The following CNTNAP3B variants were observed in gnomAD, a reference collection of about 807,000 sequenced individuals.
CNTNAP3B encodes contactin-associated protein-like 3B.
A neutral mutation model predicts 108.9 loss-of-function variants in CNTNAP3B; 25 were observed. The observed-to-expected ratio is 0.23, with a 90% CI of 0.17 to 0.32. CNTNAP3B has a LOEUF of 0.32. Ranked by LOEUF, CNTNAP3B falls within the 10% of genes least tolerant of loss-of-function variation. The pLI, the probability that CNTNAP3B is intolerant of heterozygous loss-of-function variation, is 1.00. For synonymous variants in CNTNAP3B, 103 were observed against 473.4 expected (o/e 0.22, Z 10.16); for missense variants, 252 against 1,210.4 (o/e 0.21, Z 11.75).
intron 2 of CNTNAP3B, among the ~76,000 whole-genome samples, chr9:42,097,401 A>C (rs1827925302): frequency 7.2e-6 from 1 of 139,732 alleles, no homozygotes; most frequent in African/African-American, 2.8e-5. Context: ...GATGCTTTTT[A>C]TATTTGTATT....
chr9:41,935,583 GA>G (rs1564148945), intron 14 of CNTNAP3B, among the ~76,000 whole-genome samples: 1 of 152,256 alleles, frequency 6.6e-6, no homozygotes. Flanking sequence ...AATTTTATTT[GA>G]AAAATTAAAA....
At chr9:42,030,813 G>GAGAGAGAGAGAGA (rs1156882673) in intron 3 of CNTNAP3B, among the ~76,000 whole-genome samples, 19 of 65,772 alleles carry the variant, frequency 2.9e-4, no homozygotes, top group South Asian at 1.2e-3. Flanking sequence ...GAGAGAGAGA[G>GAGAGAGAGAGAGA]GAGAGAGAGA....
chr9:42,115,051 A>G lies in CNTNAP3B; in HGVS notation c.86-10312T>C, dbSNP rs1388491136. Among the ~76,000 whole-genome samples the G allele has an allele frequency of 7.4e-5, 10 of 135,592 alleles. 4 individuals are homozygous for G. The highest frequency in any genetic ancestry group is 2.1e-4 in the African/African-American group (7 of 33,642). The allele number at this position is 135,592 out of a possible 152,430, so 89.0% of individuals were successfully genotyped here. The stretch of plus-strand genomic sequence containing the variant: ...CCTAGGTGACAGAGCAAGACTCCAT[A>G]TCGGAAAAAAAAAAGAAATACTTAC... On this transcript the variant is annotated intron_variant, in intron 1 of 23. Coordinates refer to ENST00000377561, the MANE Select transcript of CNTNAP3B (RefSeq NM_001201380.3).
chr9:42,072,211 T>C (rs1827391848), intron 3 of CNTNAP3B, among the ~76,000 whole-genome samples: 2 of 120,414 alleles, frequency 1.7e-5, no homozygotes, highest in Non-Finnish European at 3.4e-5. Context: ...TAGAATGTTA[T>C]GGTATAATCT....
At chr9:41,926,359 A>G (rs2117981568) in intron 15 of CNTNAP3B, among the ~76,000 whole-genome samples, 1 of 152,414 alleles carries the variant, frequency 6.6e-6, no homozygotes, top group East Asian at 1.9e-4. Context: ...GTTATGTTAA[A>G]GAAAACAGAG....
At chr9:41,924,778 A>C (rs1372780474) in intron 15 of CNTNAP3B, among the ~76,000 whole-genome samples, 1 of 152,190 alleles carries the variant, frequency 6.6e-6, no homozygotes, top group African/African-American at 2.4e-5. Context: ...ACAGGACTGC[A>C]CATCACATGT....
At chr9:42,053,899 C>A (rs1479654675) in intron 3 of CNTNAP3B, among the ~76,000 whole-genome samples, 1 of 148,570 alleles carries the variant, frequency 6.7e-6, no homozygotes, top group Non-Finnish European at 1.5e-5. Context: ...GTTTACCCAG[C>A]ACACCCACCC....
In CNTNAP3B at chr9:42,118,527, C is replaced by T. The variant is rs1163850223; in HGVS notation, c.85+10483G>A. ...AATTAGGTATTGATGGCACCTATCT[C>T]AAAATAATAAGAGCTATCTATGACA... On this transcript the variant is annotated intron_variant, in intron 1 of 23. Coordinates refer to ENST00000377561, the MANE Select transcript of CNTNAP3B (RefSeq NM_001201380.3). 9.8e-5 allele frequency among the ~76,000 whole-genome samples: 13 copies of T among 132,324 alleles called. 1 individual carries two copies. The highest frequency in any genetic ancestry group is 2.1e-4 in the Non-Finnish European group (13 of 62,720). 86.8% of individuals were successfully genotyped at this position (132,324 alleles called of 152,430 possible).
chr9:41,939,411 C>T (rs1184162253), intron 13 of CNTNAP3B, among the ~76,000 whole-genome samples: 1 of 152,290 alleles, frequency 6.6e-6, no homozygotes, highest in Non-Finnish European at 1.5e-5. Flanking sequence ...TACCTTACTG[C>T]TTATTACAAC....
At position 42,001,306 on chromosome 9, in the gene CNTNAP3B, T is replaced by C. The variant is rs910686980; in HGVS notation, c.539-2702A>G. Among the ~76,000 whole-genome samples, 10 of 110,774 alleles carry C rather than the reference T, an allele frequency of 9.0e-5. 2 individuals are homozygous for C. The highest frequency in any genetic ancestry group is 1.9e-4 in the Admixed American group (2 of 10,784). 72.7% of individuals were successfully genotyped at this position (110,774 alleles called of 152,430 possible). On this transcript the variant is annotated intron_variant, in intron 4 of 23. Transcript: ENST00000377561. ...GCACTTGCTTATATTCCCAGCTACTTGGAAGGGGGAGGTGGGAGGATCGCT... is the reference window on the plus strand; with the variant it reads ...GCACTTGCTTATATTCCCAGCTACTCGGAAGGGGGAGGTGGGAGGATCGCT...
intron 13 of CNTNAP3B, among the ~76,000 whole-genome samples, chr9:41,950,903 C>T (rs1421406708): frequency 6.7e-6 from 1 of 149,830 alleles, no homozygotes; most frequent in Non-Finnish European, 1.5e-5. Flanking sequence ...CTACAGGCAC[C>T]CGCCACCACA....
At chr9:42,096,135 C>T (rs747301734) in intron 2 of CNTNAP3B, among the ~76,000 whole-genome samples, 1 of 140,032 alleles carries the variant, frequency 7.1e-6, no homozygotes, top group South Asian at 2.3e-4. Flanking sequence ...CTGAATGTGC[C>T]GCAGCACAAT....
At chr9:42,071,224 C>G in intron 3 of CNTNAP3B, among the ~76,000 whole-genome samples, 1 of 146,212 alleles carries the variant, frequency 6.8e-6, no homozygotes, top group African/African-American at 2.6e-5. Flanking sequence ...GCAGTGGGAG[C>G]TGTGTACGTG....
At chr9:41,935,737 G>T (rs1441441879) in intron 14 of CNTNAP3B, among the ~76,000 whole-genome samples, 2 of 152,260 alleles carry the variant, frequency 1.3e-5, no homozygotes, top group Admixed American at 1.3e-4. Flanking sequence ...ATAAAATAAG[G>T]TTAAAAAGCA....
At chr9:42,121,818 T>A (rs1339206299) in intron 1 of CNTNAP3B, among the ~76,000 whole-genome samples, 1 of 140,550 alleles carries the variant, frequency 7.1e-6, no homozygotes, top group African/African-American at 2.8e-5. Context: ...AAGTACACTG[T>A]GAAGAACCGT....
chr9:42,121,427 T>C (rs1266418311), intron 1 of CNTNAP3B, among the ~76,000 whole-genome samples: 2 of 138,460 alleles, frequency 1.4e-5, no homozygotes, highest in Admixed American at 1.4e-4. Context: ...TGGGCAGTAT[T>C]CTAAAATACT....
At chr9:41,935,315 C>T (rs1248886891) in intron 14 of CNTNAP3B, among the ~76,000 whole-genome samples, 2 of 152,180 alleles carry the variant, frequency 1.3e-5, no homozygotes, top group Non-Finnish European at 2.9e-5. Flanking sequence ...TTTATATTAA[C>T]AATACTGCCT....
At chr9:41,997,373 C>T (rs1825918814) in intron 6 of CNTNAP3B, among the ~76,000 whole-genome samples, 195 bp downstream of exon 6, 1 of 152,202 alleles carries the variant, frequency 6.6e-6, no homozygotes, top group Non-Finnish European at 1.5e-5. Context: ...CTGTTTACTT[C>T]TTTTCAAGGT....
rs1186625805 is a variant in CNTNAP3B, at chr9:42,029,508, A to G, written c.391-15983T>C. 7.2e-5 allele frequency among the ~76,000 whole-genome samples: 9 copies of G among 125,080 alleles called. 1 individual carries two copies. The highest frequency in any genetic ancestry group is 3.0e-4 in the African/African-American group (9 of 29,982). The allele number at this position is 125,080 out of a possible 152,430, so 82.1% of individuals were successfully genotyped here. Reference sequence around the variant, plus strand: ...ACAAAATAAATGTATTAATAAACCAACAAAGTATGATCACATATACATTCT... The same window carrying G: ...ACAAAATAAATGTATTAATAAACCAGCAAAGTATGATCACATATACATTCT... On this transcript the variant is annotated intron_variant, in intron 3 of 23. Coordinates refer to ENST00000377561, the MANE Select transcript of CNTNAP3B (RefSeq NM_001201380.3).
Sources: gnomAD v4.1 joint callset for allele counts (sites outside exome capture counted in the v4.1 genomes callset) on GRCh38, gnomAD v4.1.1 for gene constraint, MANE v1.5 for transcripts, NCBI Gene and HGNC (gene_info 2026-07-23, HGNC 2026-07-21) for gene names.